The following CAMSAP3 variants were observed in gnomAD, a reference collection of about 807,000 sequenced individuals.
CAMSAP3 encodes calmodulin regulated spectrin associated protein family member 3, also known as calmodulin-regulated spectrin-associated protein 3.
A neutral mutation model predicts 112.5 loss-of-function variants in CAMSAP3; 34 were observed. The observed-to-expected ratio is 0.30, with a 90% CI of 0.23 to 0.40. The LOEUF (loss-of-function observed/expected upper bound fraction) is 0.40, where lower values mean the gene tolerates loss of function less well. Ranked by LOEUF, CAMSAP3 falls within the 10% of genes least tolerant of loss-of-function variation. The pLI is 1.00. For synonymous variants in CAMSAP3, 868 were observed against 799.8 expected (o/e 1.09, Z -1.44); for missense variants, 1,602 against 1,770.3 (o/e 0.90, Z 1.71).
intron 1 of CAMSAP3, among the ~76,000 whole-genome samples, chr19:7,596,851 CG>C (rs1425718335): frequency 6.6e-6 from 1 of 152,150 alleles, no homozygotes; most frequent in Non-Finnish European, 1.5e-5. Context: ...GTGGGCCCCC[CG>C]CTCCTCCCGG....
At chr19:7,613,901 G>A (rs1031637288) in intron 11 of CAMSAP3, among the ~76,000 whole-genome samples, 19 of 151,958 alleles carry the variant, frequency 1.3e-4, no homozygotes, top group Admixed American at 2.6e-4. Context: ...CTCCATCCCG[G>A]GCCATTTTGC....
intron 11 of CAMSAP3, among the ~76,000 whole-genome samples, chr19:7,614,324 T>TA (rs2030666558): frequency 1.8e-5 from 1 of 54,580 alleles, no homozygotes; most frequent in Non-Finnish European, 4.1e-5. Flanking sequence ...TTCCTTTTCA[T>TA]TTTTTTTTTT....
intron 2 of CAMSAP3, among the ~76,000 whole-genome samples, chr19:7,605,971 C>T (rs1009662077): frequency 6.6e-6 from 1 of 152,172 alleles, no homozygotes; most frequent in Admixed American, 6.6e-5. Context: ...TCCCATCAAA[C>T]CCAGCTCCCC....
At chr19:7,606,617 T>C in intron 4 of CAMSAP3, 46 bp downstream of exon 4, 1 of 1,521,200 alleles carries the variant, frequency 6.6e-7, no homozygotes, top group South Asian at 1.2e-5. Flanking sequence ...GGACCGGAGA[T>C]CTGGGAGGGC....
In CAMSAP3 at chr19:7,612,251, C is replaced by T. The variant is rs781124771; in HGVS notation, c.1758C>T (p.Pro586=). ...AGGCTGAGGCCGGAGCGGGGTCCCC[C>T]ACGTCCACTCCGGCCCCGCCGGAGG... ...KAEAEAGAGS[P]TSTPAPPEAL... is the part of the protein sequence containing the mutation. The change falls in exon 11 of 17, where the codon CCC becomes CCT. Residue 586 remains proline, a synonymous_variant. Coordinates refer to ENST00000160298, the MANE Select transcript of CAMSAP3 (RefSeq NM_020902.2). 1.3e-6 allele frequency: 2 copies of T among 1,592,180 alleles called. No homozygotes were observed. Among genetic ancestry groups the T allele is most frequent in the African/African-American group, 1.3e-5 (1 of 74,536 alleles).
intron 1 of CAMSAP3, among the ~76,000 whole-genome samples, chr19:7,600,669 T>C (rs1449672228): frequency 1.6e-5 from 1 of 61,790 alleles, no homozygotes; most frequent in Non-Finnish European, 3.1e-5. Flanking sequence ...CATCCACTCA[T>C]CCATCCACCC....
At chr19:7,602,950 G>A (rs1416865480) in intron 1 of CAMSAP3, among the ~76,000 whole-genome samples, 3 of 151,742 alleles carry the variant, frequency 2.0e-5, no homozygotes, top group Non-Finnish European at 4.4e-5. Context: ...GGCTGGGAGG[G>A]CAGGGAGGAA....
rs781124771 is a variant in CAMSAP3 at position 7,612,251 on chromosome 19, C to A, written c.1758C>A (p.Pro586=). 1.3e-6 allele frequency: 2 copies of A among 1,592,060 alleles called. No homozygotes were observed. The highest frequency in any genetic ancestry group is 4.6e-5 in the East Asian group (2 of 43,478). ...AGGCTGAGGCCGGAGCGGGGTCCCC[C>A]ACGTCCACTCCGGCCCCGCCGGAGG... ...KAEAEAGAGS[P]TSTPAPPEAL... Residue 586 remains proline (P), a synonymous_variant, in exon 11 of 17, where the codon CCC becomes CCA. Coordinates refer to ENST00000160298, the MANE Select transcript of CAMSAP3 (RefSeq NM_020902.2).
intron 1 of CAMSAP3, among the ~76,000 whole-genome samples, chr19:7,599,285 TCCAC>T (rs201311851): frequency 8.0e-5 from 7 of 87,790 alleles, no homozygotes; most frequent in South Asian, 4.3e-4. Flanking sequence ...CACTCATCCA[TCCAC>T]CCACCCACCC....
At chr19:7,597,634 C>T (rs1257333428) in intron 1 of CAMSAP3, among the ~76,000 whole-genome samples, 4 of 152,168 alleles carry the variant, frequency 2.6e-5, no homozygotes, top group African/African-American at 9.7e-5. Flanking sequence ...TGCTGGGAGG[C>T]GTAAAAGCTG....
intron 11 of CAMSAP3, chr19:7,614,852 G>T: frequency 4.5e-6 from 2 of 442,066 alleles, no homozygotes; most frequent in South Asian, 4.9e-5. Flanking sequence ...AGCCTTCCTG[G>T]GTGTCTCCAG....
chr19:7,608,113 C>T lies in CAMSAP3; in HGVS notation c.622-13C>T. ...CAGCCTGGCCACTCACCTGACCTGG[C>T]TCCCATCTGCAGATCCGATACCGCA... On this transcript the variant is annotated splice_polypyrimidine_tract_variant and intron_variant, in intron 4 of 16. Coordinates refer to ENST00000160298, the MANE Select transcript of CAMSAP3 (RefSeq NM_020902.2). The T allele has an allele frequency of 1.2e-6, 2 of 1,608,322 alleles. No individual in the cohort carries two copies. Among genetic ancestry groups the T allele is most frequent in the Non-Finnish European group, 1.7e-6 (2 of 1,177,890 alleles).
chr19:7,615,302 G>A lies in CAMSAP3; in HGVS notation c.2790G>A (p.Gln930=), dbSNP rs1338783070. ...AGTGGCAGGAGGTGGAGAAGGAACAGCGGAGGGAGGAGGCCGCGAGGTGAG... is the reference window on the plus strand; with the variant it reads ...AGTGGCAGGAGGTGGAGAAGGAACAACGGAGGGAGGAGGCCGCGAGGTGAG... ...RKQWQEVEKE[Q]RREEAARLAQ... is the part of the protein sequence containing the mutation. Residue 930 remains glutamine (Q), a synonymous_variant, in exon 12 of 17, where the codon CAG becomes CAA. Coordinates refer to ENST00000160298, the MANE Select transcript of CAMSAP3 (RefSeq NM_020902.2). This position sits in a 1 kb window ranked among gnomAD's most constrained non-coding sequence, Gnocchi z 6.5. 6.5e-7 allele frequency: 1 copy of A among 1,547,126 alleles called. No individual in the cohort carries two copies. The highest frequency in any genetic ancestry group is 8.7e-7 in the Non-Finnish European group (1 of 1,144,922).
Position 7,610,430 on chromosome 19 carries a change from T to C in CAMSAP3, c.761-46T>C. ...GGTCCCTGGCTTCCCTGGGGCCCCATCCTCCTCCTCATAGAGTTGGGGACC... is the reference window on the plus strand; with the variant it reads ...GGTCCCTGGCTTCCCTGGGGCCCCACCCTCCTCCTCATAGAGTTGGGGACC... On this transcript the variant is annotated intron_variant, in intron 5 of 16. Transcript: ENST00000160298. This position sits in a 1 kb window ranked among gnomAD's most constrained non-coding sequence, Gnocchi z 4.9. 6.4e-7 allele frequency: 1 copy of C among 1,562,514 alleles called. No homozygotes were observed. The highest frequency in any genetic ancestry group is 8.7e-7 in the Non-Finnish European group (1 of 1,153,598).
At position 7,615,206 on chromosome 19, in the gene CAMSAP3, G is replaced by A; in HGVS notation, c.2694G>A (p.Glu898=). 6.4e-7 allele frequency: 1 copy of A among 1,554,072 alleles called. No homozygotes were observed. The highest frequency in any genetic ancestry group is 8.7e-7 in the Non-Finnish European group (1 of 1,149,002). Residue 898 remains glutamate, a synonymous_variant, in exon 12 of 17, where the codon GAG becomes GAA. Transcript: ENST00000160298. The surrounding 1 kb of genome is among the most constrained non-coding windows in gnomAD (Gnocchi z 6.5). ...AGGATGAAGACAAGCCTGAGGACGA[G>A]ATGGCCCAAAAGCGGGCCAGCCTGC... ...FYKDEDKPED[E]MAQKRASLLE... is the part of the protein sequence containing the mutation.
chr19:7,608,317 G>A (rs1599353071), intron 5 of CAMSAP3, 53 bp downstream of exon 5: 3 of 1,579,034 alleles, frequency 1.9e-6, no homozygotes, highest in East Asian at 2.3e-5. Context: ...GGCATCCTAA[G>A]TCCCAGCCCC....
chr19:7,612,440 G>A lies in CAMSAP3; in HGVS notation c.1947G>A (p.Ala649=), dbSNP rs557968045. 3.8e-6 allele frequency: 6 copies of A among 1,588,702 alleles called. No individual in the cohort carries two copies. In the South Asian group the frequency reaches 5.7e-5, roughly 15 times the overall value. Residue 649 remains alanine, a synonymous_variant, in exon 11 of 17, where the codon GCG becomes GCA. Transcript: ENST00000160298. ...QVQPREASGE[A]EAEAEEADSG... is the part of the protein sequence containing the mutation. The stretch of plus-strand genomic sequence containing the variant: ...AGCCGCGGGAAGCCTCTGGGGAGGC[G>A]GAAGCAGAGGCGGAGGAGGCCGATT...
intron 13 of CAMSAP3, 29 bp from the exon 14 acceptor site, chr19:7,616,494 G>T: frequency 6.7e-7 from 1 of 1,503,394 alleles, no homozygotes; most frequent in South Asian, 1.1e-5. Context: ...GGCTTCTGGT[G>T]GGCACTGACC....
intron 4 of CAMSAP3, 62 bp from the exon 5 acceptor site, chr19:7,608,064 T>C (rs528725744): frequency 1.3e-6 from 2 of 1,577,170 alleles, no homozygotes; most frequent in East Asian, 4.5e-5. Context: ...CTGCCCAGCC[T>C]GCATGACCGC....
Sources: gnomAD v4.1 joint callset for allele counts (sites outside exome capture counted in the v4.1 genomes callset) on GRCh38, gnomAD v4.1.1 for gene constraint, Gnocchi (gnomAD v3.1) non-coding constraint, MANE v1.5 for transcripts, NCBI Gene and HGNC (gene_info 2026-07-23, HGNC 2026-07-21) for gene names.